Variants in CREB1 observed in about 807,000 individuals in gnomAD.
The protein encoded by CREB1 is cAMP responsive element binding protein 1, also known as cyclic AMP-responsive element-binding protein 1.
In CREB1, 2 loss-of-function variants were observed where a neutral mutation model predicts 42.0. That is an observed-to-expected ratio of 0.05 (90% CI 0.02 to 0.15). The LOEUF is 0.15. Among genes scored for constraint, CREB1 ranks in the 10% least tolerant of loss-of-function variants. CREB1 has a pLI of 1.00. For synonymous variants in CREB1, 123 were observed against 139.9 expected (o/e 0.88, Z 0.85); for missense variants, 199 against 388.9 (o/e 0.51, Z 4.11).
At chr2:207,555,554 C>G in intron 1 of CREB1, 74 bp from the exon 2 acceptor site, 1 of 846,646 alleles carries the variant, frequency 1.2e-6, no homozygotes, top group African/African-American at 1.7e-5. Flanking sequence ...CTATTTATAA[C>G]TTGAAATTTG....
Position 207,549,969 on chromosome 2 carries a change from C to CA in CREB1, c.-8-5645dup, listed in dbSNP as rs879282723. 1.8e-3 allele frequency among the ~76,000 whole-genome samples: 205 copies of CA among 112,354 alleles called. 1 individual carries two copies. The highest frequency in any genetic ancestry group is 0.01 in the South Asian group (37 of 3,664). 73.7% of individuals were successfully genotyped at this position (112,354 alleles called of 152,430 possible). ...TGGGCGAAAGAGCGAGACTCCATCT[C>CA]AAAAAAAAAAAAAAGAGAGAAAAGA... On this transcript the variant is annotated intron_variant, in intron 1 of 7. Coordinates refer to ENST00000353267, the MANE Select transcript of CREB1 (RefSeq NM_004379.5).
intron 1 of CREB1, among the ~76,000 whole-genome samples, chr2:207,547,394 T>A (rs996959819): frequency 6.6e-6 from 1 of 152,226 alleles, no homozygotes; most frequent in South Asian, 2.1e-4. Flanking sequence ...TGAGCTAGTT[T>A]ACGAAGCAGA....
intron 4 of CREB1, 175 bp downstream of exon 4, chr2:207,567,738 G>T: frequency 4.6e-6 from 2 of 432,430 alleles, no homozygotes; most frequent in Non-Finnish European, 8.3e-6. Flanking sequence ...AATAAGAAGA[G>T]CACTTGTTAC....
intron 1 of CREB1, among the ~76,000 whole-genome samples, chr2:207,539,100 G>T (rs1017626033): frequency 6.6e-6 from 1 of 151,206 alleles, no homozygotes; most frequent in Non-Finnish European, 1.5e-5. Flanking sequence ...GAATGCAGTG[G>T]TGTGATCTCG....
chr2:207,603,488 G>C lies in CREB1; in HGVS notation c.*6430G>C, dbSNP rs1265843464. 4.4e-6 allele frequency: 1 copy of C among 225,070 alleles called. No homozygotes were observed. The highest frequency in any genetic ancestry group is 6.4e-5 in the East Asian group (1 of 15,596). The allele number at this position is 225,070 out of a possible 1,614,324, so 13.9% of individuals were successfully genotyped here. ...ATATTTTGTTGGGTTTTTTTTGCTA[G>C]TAGTGTGAAGCCATGTTTTATTGGA... On this transcript the variant is annotated 3_prime_UTR_variant, in exon 8 of 8. Coordinates refer to ENST00000353267, the MANE Select transcript of CREB1 (RefSeq NM_004379.5).
rs181195164 is a variant in CREB1 at position 207,605,660 on chromosome 2, G to T, written c.*8602G>T. On this transcript the variant is annotated 3_prime_UTR_variant, in exon 8 of 8. Transcript: ENST00000353267. ...CCCTCTCCCTTTTTTTACACAAAAG[G>T]TAGGTACAAACAGTGGTTTATAAAC... Among the ~76,000 whole-genome samples the T allele has an allele frequency of 6.6e-6, 1 of 152,252 alleles. No homozygotes were observed. The highest frequency in any genetic ancestry group is 2.4e-5 in the African/African-American group (1 of 41,556).
At chr2:207,536,899 A>G (rs1574755476) in intron 1 of CREB1, among the ~76,000 whole-genome samples, 1 of 151,932 alleles carries the variant, frequency 6.6e-6, no homozygotes, top group South Asian at 2.1e-4. Context: ...CTGAGGCAGG[A>G]GAATTGCTTG....
chr2:207,551,571 G>T (rs541802568), intron 1 of CREB1, among the ~76,000 whole-genome samples: 1 of 152,194 alleles, frequency 6.6e-6, no homozygotes, highest in African/African-American at 2.4e-5. Context: ...AGATGGATGG[G>T]AATATCTCTA....
rs2087427948 is a variant in CREB1, at chr2:207,603,275, TAGC to T, written c.*6220_*6222del. Reference sequence around the variant, plus strand: ...AATAGCTGCTTTGTGTTCAGAATAGTAGCAGTTGCTTTGTATATTAAAGTGATC... The same window carrying T: ...AATAGCTGCTTTGTGTTCAGAATAGTAGTTGCTTTGTATATTAAAGTGATC... On this transcript the variant is annotated 3_prime_UTR_variant, in exon 8 of 8. Transcript: ENST00000353267. The T allele has an allele frequency of 2.7e-5, 6 of 221,404 alleles. No homozygotes were observed. In the South Asian group the frequency reaches 5.5e-4, roughly 20 times the overall value. 13.7% of individuals were successfully genotyped at this position (221,404 alleles called of 1,614,324 possible).
In CREB1 at chr2:207,602,414, G is replaced by A. The variant is rs1211887308; in HGVS notation, c.*5356G>A. ...TAATTATTCTCACCAGCAAGTAAAA[G>A]GAAAATGAACAATCTTTTGGAATTG... On this transcript the variant is annotated 3_prime_UTR_variant, in exon 8 of 8. Coordinates refer to ENST00000353267, the MANE Select transcript of CREB1 (RefSeq NM_004379.5). 5.0e-6 allele frequency: 1 copy of A among 201,740 alleles called. No individual in the cohort carries two copies. The highest frequency in any genetic ancestry group is 1.0e-5 in the Non-Finnish European group (1 of 98,146). The allele number at this position is 201,740 out of a possible 1,614,324, so 12.5% of individuals were successfully genotyped here.
At chr2:207,544,495 T>G (rs1425736675) in intron 1 of CREB1, among the ~76,000 whole-genome samples, 1 of 152,240 alleles carries the variant, frequency 6.6e-6, no homozygotes. Context: ...AGCTCTTTCA[T>G]ATATAGTACA....
At chr2:207,582,930 T>TAC (rs1559059377) in intron 7 of CREB1, 2 of 244,086 alleles carry the variant, frequency 8.2e-6, no homozygotes, top group Non-Finnish European at 1.7e-5. Flanking sequence ...TATATATATA[T>TAC]ACATACACAC....
chr2:207,552,244 A>G (rs1372952439), intron 1 of CREB1, among the ~76,000 whole-genome samples: 1 of 152,090 alleles, frequency 6.6e-6, no homozygotes, highest in East Asian at 1.9e-4. Context: ...ACTAAAATTT[A>G]CTTGGATTCA....
In CREB1 at chr2:207,582,920, T is replaced by TAC. The variant is rs757585290; in HGVS notation, c.839+5266_839+5267insCA. The TAC allele has an allele frequency of 5.8e-4, 155 of 266,854 alleles. 3 individuals are homozygous for TAC. Among genetic ancestry groups the TAC allele is most frequent in the South Asian group, 5.6e-3 (150 of 26,860 alleles). The allele number at this position is 266,854 out of a possible 1,614,324, so 16.5% of individuals were successfully genotyped here. ...AAACAAACAAACAAACAAAAAAAAA[T>TAC]ATATATATATACATACACACACACA... is the stretch of plus-strand genomic sequence containing the variant. On this transcript the variant is annotated intron_variant, in intron 7 of 7. Coordinates refer to ENST00000353267, the MANE Select transcript of CREB1 (RefSeq NM_004379.5).
At position 207,603,723 on chromosome 2, in the gene CREB1, C is replaced by T. The variant is rs2087538125; in HGVS notation, c.*6665C>T. ...CAGCTGTGTCTGATGTCATAAAACACGTGTTCACTGAAAGGACAATAAGAC... is the reference window on the plus strand; with the variant it reads ...CAGCTGTGTCTGATGTCATAAAACATGTGTTCACTGAAAGGACAATAAGAC... On this transcript the variant is annotated 3_prime_UTR_variant, in exon 8 of 8. Coordinates refer to ENST00000353267, the MANE Select transcript of CREB1 (RefSeq NM_004379.5). 6.6e-6 allele frequency among the ~76,000 whole-genome samples: 1 copy of T among 152,232 alleles called. No homozygotes were observed. The highest frequency in any genetic ancestry group is 2.1e-4 in the South Asian group (1 of 4,828).
rs185200608 is a variant in CREB1 at position 207,594,570 on chromosome 2, T to C, written c.840-2344T>C. The stretch of plus-strand genomic sequence containing the variant: ...AGGGCCTTCCTAAGGCTGAATAATA[T>C]TAATATTACATTGTATGTATATACC... On this transcript the variant is annotated intron_variant, in intron 7 of 7. Transcript: ENST00000353267. 4.6e-5 allele frequency among the ~76,000 whole-genome samples: 7 copies of C among 152,328 alleles called. No homozygotes were observed. In the South Asian group the frequency reaches 6.2e-4, roughly 14 times the overall value.
chr2:207,576,572 G>C lies in CREB1; in HGVS notation c.689-933G>C, dbSNP rs1165032647. 14 of 644,408 alleles carry C rather than the reference G, an allele frequency of 2.2e-5. 1 individual carries two copies. The highest frequency in any genetic ancestry group is 3.4e-5 in the Non-Finnish European group (14 of 410,298). The allele number at this position is 644,408 out of a possible 1,614,324, so 39.9% of individuals were successfully genotyped here. On this transcript the variant is annotated intron_variant, in intron 6 of 7. Transcript: ENST00000353267. ...ATATTCTGTTATTAAACGAGTATTT[G>C]AAAAAGATACTATTTTGCTTATTGA...
chr2:207,532,830 A>G, intron 1 of CREB1, among the ~76,000 whole-genome samples: 1 of 151,820 alleles, frequency 6.6e-6, no homozygotes, highest in East Asian at 1.9e-4. Context: ...CGGCTCACTC[A>G]CTGCAAGCTC....
At chr2:207,541,647 T>C (rs886394013) in intron 1 of CREB1, among the ~76,000 whole-genome samples, 6 of 152,192 alleles carry the variant, frequency 3.9e-5, no homozygotes, top group African/African-American at 7.2e-5. Flanking sequence ...TGTATTACAG[T>C]TAAAAATTGG....
Sources: gnomAD v4.1 joint callset for allele counts (sites outside exome capture counted in the v4.1 genomes callset) on GRCh38, gnomAD v4.1.1 for gene constraint, MANE v1.5 for transcripts, NCBI Gene and HGNC (gene_info 2026-07-23, HGNC 2026-07-21) for gene names.